AAMDC: variants seen among roughly 807,000 people sequenced by gnomAD.
AAMDC encodes adipogenesis associated Mth938 domain containing, also known as mth938 domain-containing protein.
In AAMDC, 16 loss-of-function variants were observed where a neutral mutation model predicts 15.5. That is an observed-to-expected ratio of 1.03 (90% CI 0.70 to 1.57). AAMDC has a LOEUF of 1.57. Ranked by LOEUF, AAMDC falls within the 40% of genes most tolerant of loss-of-function variation. AAMDC has a pLI of 0.00. For synonymous variants in AAMDC, 51 were observed against 51.6 expected (o/e 0.99, Z 0.05); for missense variants, 141 against 144.9 (o/e 0.97, Z 0.14).
intron 5 of AAMDC, among the ~76,000 whole-genome samples, chr11:77,886,821 A>T (rs1952034214): frequency 6.6e-6 from 1 of 152,152 alleles, no homozygotes; most frequent in South Asian, 2.1e-4. Context: ...ACTACATGGA[A>T]ACTGAACAAC....
chr11:77,825,435 G>A (rs1194543677), intron 1 of AAMDC, among the ~76,000 whole-genome samples: 2 of 152,092 alleles, frequency 1.3e-5, no homozygotes, highest in African/African-American at 4.8e-5. Flanking sequence ...AGCTGCGCAC[G>A]GTGGTTCAAA....
intron 5 of AAMDC, chr11:77,883,792 G>T: frequency 6.2e-7 from 1 of 1,604,252 alleles, no homozygotes; most frequent in Non-Finnish European, 8.5e-7. Flanking sequence ...GTGATCTCCA[G>T]CAGCATATTT....
downstream of AAMDC, chr11:77,901,424 C>T (rs1368262583): frequency 4.3e-6 from 7 of 1,613,936 alleles, no homozygotes; most frequent in East Asian, 2.2e-5. Context: ...ATCTTACCCT[C>T]GTGTAGTTCG....
At chr11:77,850,033 A>G (rs58549356) in intron 2 of AAMDC, among the ~76,000 whole-genome samples, 2,763 of 152,332 alleles carry the variant, frequency 0.018, 69 homozygotes, top group African/African-American at 0.062. Flanking sequence ...CATTTAACAC[A>G]GTGCCAGTAA....
intron 5 of AAMDC, among the ~76,000 whole-genome samples, chr11:77,893,306 AAGTGTAAGAAC>A (rs1248550153): frequency 1.3e-5 from 2 of 152,212 alleles, no homozygotes; most frequent in African/African-American, 4.8e-5. Flanking sequence ...AGAAATATGC[AAGTGTAAGAAC>A]AGTGTGGGCC....
intron 2 of AAMDC, among the ~76,000 whole-genome samples, chr11:77,846,133 TAA>T (rs1950137149): frequency 6.6e-6 from 1 of 152,212 alleles, no homozygotes; most frequent in Non-Finnish European, 1.5e-5. Flanking sequence ...TGTGGTTCTA[TAA>T]AGTCTGTATT....
intron 1 of AAMDC, among the ~76,000 whole-genome samples, chr11:77,826,266 G>C (rs1949167833): frequency 6.6e-6 from 1 of 151,886 alleles, no homozygotes; most frequent in Non-Finnish European, 1.5e-5. Flanking sequence ...GGAGGCTGAG[G>C]CAGGAGAATC....
At chr11:77,869,091 A>T in intron 2 of AAMDC, 1 of 279,844 alleles carries the variant, frequency 3.6e-6, no homozygotes, top group Non-Finnish European at 6.9e-6. Flanking sequence ...CACCTGTCTC[A>T]TAGATTCACA....
chr11:77,872,154 A>ATC (rs1565214685), intron 3 of AAMDC, 21 bp from the exon 4 acceptor site: 1 of 1,607,394 alleles, frequency 6.2e-7, no homozygotes, highest in South Asian at 1.1e-5. Context: ...CTACTTACTC[A>ATC]TCTCTTTTCC....
chr11:77,845,579 C>T (rs1359508044), intron 2 of AAMDC, among the ~76,000 whole-genome samples: 1 of 151,944 alleles, frequency 6.6e-6, no homozygotes, highest in Non-Finnish European at 1.5e-5. Context: ...TACAGGTGCA[C>T]CCCACCATGT....
intron 1 of AAMDC, among the ~76,000 whole-genome samples, chr11:77,824,585 T>A (rs1949082153): frequency 1.3e-5 from 2 of 152,126 alleles, no homozygotes; most frequent in African/African-American, 4.8e-5. Flanking sequence ...CCTGGGTGAA[T>A]CTTAAAAACA....
rs1402094458 is a variant in AAMDC, at chr11:77,823,176, C to A, written c.-19+1935C>A. ...CTTGCAGTGAGCCAAGGTTGTGCCA[C>A]TGCACTCCAGCCTGGGCGACAGAGC... On this transcript the variant is annotated intron_variant, in intron 1 of 3. Coordinates refer to ENST00000393427, the MANE Select transcript of AAMDC (RefSeq NM_024684.4). Among the ~76,000 whole-genome samples, 3 of 130,750 alleles carry A rather than the reference C, an allele frequency of 2.3e-5. No homozygotes were observed. In the East Asian group the frequency reaches 6.7e-4, roughly 29 times the overall value. 85.8% of individuals were successfully genotyped at this position (130,750 alleles called of 152,430 possible).
intron 2 of AAMDC, among the ~76,000 whole-genome samples, chr11:77,854,508 C>T (rs1950531923): frequency 6.6e-6 from 1 of 152,232 alleles, no homozygotes; most frequent in Non-Finnish European, 1.5e-5. Flanking sequence ...CCATGCAAGT[C>T]TGAAACCCAG....
intron 1 of AAMDC, among the ~76,000 whole-genome samples, chr11:77,837,110 TTTTG>T (rs1461289995): frequency 4.6e-5 from 7 of 152,218 alleles, no homozygotes; most frequent in East Asian, 1.9e-4. Flanking sequence ...CTGTGTTGTT[TTTTG>T]TTTGAGTTTT....
At chr11:77,864,968 CCCTGTCT>C (rs1380008661) in intron 2 of AAMDC, among the ~76,000 whole-genome samples, 1 of 152,042 alleles carries the variant, frequency 6.6e-6, no homozygotes, top group Non-Finnish European at 1.5e-5. Context: ...CAGAGTGAGA[CCCTGTCT>C]CAAAAACAAA....
chr11:77,872,504 G>A, downstream of AAMDC: 1 of 548,242 alleles, frequency 1.8e-6, no homozygotes, highest in Non-Finnish European at 3.0e-6. Context: ...AAAAAAAGAT[G>A]AGACAGAAGT....
At chr11:77,891,719 G>T (rs1270773866) in intron 5 of AAMDC, 13 of 1,611,982 alleles carry the variant, frequency 8.1e-6, no homozygotes, top group Non-Finnish European at 9.3e-6. Flanking sequence ...GCACTCTGTC[G>T]CAGCATGGTC....
At chr11:77,841,378 T>A in intron 1 of AAMDC, 1 of 597,114 alleles carries the variant, frequency 1.7e-6, no homozygotes, top group Non-Finnish European at 3.0e-6. Context: ...GTTTTTTCCT[T>A]GATTTTATTC....
downstream of AAMDC, among the ~76,000 whole-genome samples, chr11:77,874,741 T>TAAGAC (rs919788974): frequency 6.6e-6 from 1 of 152,098 alleles, no homozygotes; most frequent in African/African-American, 2.4e-5. Context: ...CCTGAGTGGT[T>TAAGAC]AAGACAAGAA....
Sources: allele counts gnomAD v4.1 joint callset (sites outside exome capture counted in the v4.1 genomes callset), GRCh38; gene constraint gnomAD v4.1.1; transcripts MANE v1.5; gene names NCBI Gene and HGNC (gene_info 2026-07-23, HGNC 2026-07-21).